Variants in ZBBX observed in about 807,000 individuals in gnomAD.
ZBBX encodes zinc finger B-box domain containing, also known as zinc finger B-box domain-containing protein 1.
In ZBBX, 101 loss-of-function variants were observed where a neutral mutation model predicts 108.5. The observed-to-expected ratio is 0.93, with a 90% CI of 0.79 to 1.10. The LOEUF is 1.10. Ranked by LOEUF, ZBBX falls within the 50% of genes least tolerant of loss-of-function variation. The pLI is 0.00. For synonymous variants in ZBBX, 356 were observed against 323.4 expected (o/e 1.10, Z -1.08); for missense variants, 1,009 against 941.4 (o/e 1.07, Z -0.94).
chr3:167,214,823 G>A, the ZBBX span, among the ~76,000 whole-genome samples: 1 of 152,038 alleles, frequency 6.6e-6, no homozygotes, highest in Non-Finnish European at 1.5e-5. Flanking sequence ...TAGAAGTCAA[G>A]ACTAAGAAAA....
chr3:167,306,545 T>C (rs1433917399), intron 16 of ZBBX, among the ~76,000 whole-genome samples: 1 of 152,162 alleles, frequency 6.6e-6, no homozygotes, highest in African/African-American at 2.4e-5. Context: ...TTTAACCTGG[T>C]TGCACAGTAG....
At chr3:167,328,194 CTG>C in intron 10 of ZBBX, 78 bp from the exon 11 acceptor site, 2 of 1,439,174 alleles carry the variant, frequency 1.4e-6, no homozygotes, top group Middle Eastern at 3.8e-4. Context: ...TAAAAAAATT[CTG>C]TGTTTTAAAA....
rs567111189 is a variant in ZBBX, at chr3:167,397,276, C to T, written c.-446+10450G>A. 5.0e-4 allele frequency among the ~76,000 whole-genome samples: 75 copies of T among 151,368 alleles called. 1 individual carries two copies. The highest frequency in any genetic ancestry group is 1.7e-3 in the African/African-American group (71 of 41,322). The stretch of plus-strand genomic sequence containing the variant: ...CTTACAGCCATCAATTGACTTGCTA[C>T]GTTTTGTTTGAATGAAGAACCCCAC... On this transcript the variant is annotated intron_variant, in intron 1 of 21. Coordinates refer to the ZBBX transcript ENST00000455345.
intron 9 of ZBBX, among the ~76,000 whole-genome samples, chr3:167,335,434 G>A (rs561691611): frequency 3.5e-4 from 53 of 152,174 alleles, no homozygotes; most frequent in African/African-American, 1.3e-3. Flanking sequence ...GCAGGATTTA[G>A]GATCCTATCT....
the ZBBX span, among the ~76,000 whole-genome samples, chr3:167,197,474 C>A: frequency 6.6e-6 from 1 of 151,986 alleles, no homozygotes; most frequent in African/African-American, 2.4e-5. Context: ...GGAGGTGGAG[C>A]TTGCAGTGAG....
At chr3:167,345,116 C>A (rs1239549292) in intron 9 of ZBBX, among the ~76,000 whole-genome samples, 2 of 151,806 alleles carry the variant, frequency 1.3e-5, no homozygotes, top group Non-Finnish European at 2.9e-5. Context: ...TACAGTTTTA[C>A]GCTATTTCAG....
the ZBBX span, among the ~76,000 whole-genome samples, chr3:167,226,082 T>TA: frequency 0.027 from 3,576 of 132,804 alleles, 57 homozygotes; most frequent in African/African-American, 0.046. Context: ...TGACTGTGAT[T>TA]AAAAAAAAAA....
intron 20 of ZBBX, 150 bp downstream of exon 20, chr3:167,282,088 C>T: frequency 2.3e-6 from 2 of 866,118 alleles, no homozygotes; most frequent in African/African-American, 1.7e-5. Flanking sequence ...CGGGGATTTC[C>T]AGGAAAACAG....
At chr3:167,300,023 C>G (rs1393636580) in intron 17 of ZBBX, among the ~76,000 whole-genome samples, 4 of 152,090 alleles carry the variant, frequency 2.6e-5, no homozygotes, top group Non-Finnish European at 5.9e-5. Flanking sequence ...AGAGATTGGC[C>G]ATCTCCTATA....
At chr3:167,190,804 G>A in the ZBBX span, among the ~76,000 whole-genome samples, 1 of 152,226 alleles carries the variant, frequency 6.6e-6, no homozygotes, top group African/African-American at 2.4e-5. Flanking sequence ...TGGGGGCACA[G>A]AGTGCTGACA....
chr3:167,254,949 A>T (rs1194360665), intron 20 of ZBBX, among the ~76,000 whole-genome samples: 1 of 152,068 alleles, frequency 6.6e-6, no homozygotes, highest in East Asian at 1.9e-4. Flanking sequence ...AGAATCTAGG[A>T]GGCTTCAGAT....
the ZBBX span, among the ~76,000 whole-genome samples, chr3:167,215,407 C>A: frequency 6.6e-6 from 1 of 152,066 alleles, no homozygotes; most frequent in Non-Finnish European, 1.5e-5. Context: ...TGGACACATA[C>A]ACCCTCCCAA....
At chr3:167,321,156 A>T (rs1736370772) in intron 12 of ZBBX, among the ~76,000 whole-genome samples, 1 of 151,924 alleles carries the variant, frequency 6.6e-6, no homozygotes, top group Non-Finnish European at 1.5e-5. Context: ...CTATTTTGAA[A>T]CCCATCTGTA....
intron 8 of ZBBX, among the ~76,000 whole-genome samples, chr3:167,350,984 C>T (rs1190557206): frequency 1.3e-5 from 2 of 151,868 alleles, no homozygotes; most frequent in African/African-American, 4.8e-5. Context: ...GATATGCATA[C>T]TCTTTGCCCT....
chr3:167,370,431 G>A (rs1745986948), intron 4 of ZBBX, among the ~76,000 whole-genome samples: 1 of 152,116 alleles, frequency 6.6e-6, no homozygotes, highest in Admixed American at 6.6e-5. Flanking sequence ...AGTTCAGGAT[G>A]AGTAACAGTT....
chr3:167,381,553 C>T (rs1239714515), upstream of ZBBX, among the ~76,000 whole-genome samples: 2 of 152,196 alleles, frequency 1.3e-5, no homozygotes, highest in African/African-American at 4.8e-5. Flanking sequence ...AACTTTACCA[C>T]GTCCTTCCTT....
intron 10 of ZBBX, among the ~76,000 whole-genome samples, chr3:167,332,326 A>G (rs2108393971): frequency 6.6e-6 from 1 of 152,020 alleles, no homozygotes; most frequent in Non-Finnish European, 1.5e-5. Context: ...CCACCCACGG[A>G]GATGCTGAAC....
At chr3:167,273,867 G>A (rs1455227571) in intron 20 of ZBBX, among the ~76,000 whole-genome samples, 1 of 152,170 alleles carries the variant, frequency 6.6e-6, no homozygotes, top group African/African-American at 2.4e-5. Flanking sequence ...TTCAAAGCCT[G>A]AGATCAAATA....
chr3:167,274,926 G>A (rs1237854647), intron 20 of ZBBX, among the ~76,000 whole-genome samples: 3 of 152,180 alleles, frequency 2.0e-5, no homozygotes, highest in Non-Finnish European at 4.4e-5. Context: ...TTTGACACAA[G>A]TGGCACCCTT....
Sources: allele counts gnomAD v4.1 joint callset (sites outside exome capture counted in the v4.1 genomes callset), GRCh38; gene constraint gnomAD v4.1.1; transcripts MANE v1.5; gene names NCBI Gene and HGNC (gene_info 2026-07-23, HGNC 2026-07-21).